PDE9A: variants seen among roughly 807,000 people sequenced by gnomAD.
PDE9A encodes the protein high affinity cGMP-specific 3',5'-cyclic phosphodiesterase 9A.
In PDE9A, 60 loss-of-function variants were observed where a neutral mutation model predicts 87.4. The observed-to-expected ratio is 0.69, with a 90% CI of 0.56 to 0.85. The LOEUF is 0.85. PDE9A is among the 40% of genes least tolerant of loss of function. The pLI, the probability that PDE9A is intolerant of heterozygous loss-of-function variation, is 0.00. For synonymous variants in PDE9A, 272 were observed against 279.4 expected (o/e 0.97, Z 0.27); for missense variants, 665 against 779.0 (o/e 0.85, Z 1.74).
rs2052829925 is a variant in PDE9A at position 42,739,251 on chromosome 21, C to T, written c.569-4525C>T. On this transcript the variant is annotated intron_variant, in intron 7 of 19. Transcript: ENST00000291539. This position sits in a 1 kb window ranked among gnomAD's most constrained non-coding sequence, Gnocchi z 4.1. The stretch of plus-strand genomic sequence containing the variant: ...CCGACGTCCAGGCTCCACGGTAGGG[C>T]CGTCCTGCTGCTGTCTGCAGACCTC... Among the ~76,000 whole-genome samples the T allele has an allele frequency of 6.6e-6, 1 of 152,246 alleles. No homozygotes were observed. The highest frequency in any genetic ancestry group is 1.5e-5 in the Non-Finnish European group (1 of 68,038).
intron 8 of PDE9A, among the ~76,000 whole-genome samples, chr21:42,748,443 C>T (rs2839582): frequency 0.66 from 99,733 of 152,150 alleles, 33,013 homozygotes; most frequent in East Asian, 0.86. Context: ...AATGGATCTC[C>T]GTGGAGCGGT....
At position 42,653,713 on chromosome 21, in the gene PDE9A, G is replaced by GGGGGGCGCC; in HGVS notation, c.-102_-101insGGGGGCGCC. ...TGTGGTTGGCTGAGCGCCGCGGGCC[G>GGGGGGCGCC]CCCCCCGCCCGCCCCCTCCCCTGCT... On this transcript the variant is annotated 5_prime_UTR_variant, in exon 1 of 20. Coordinates refer to ENST00000291539, the MANE Select transcript of PDE9A (RefSeq NM_002606.3). The GGGGGGCGCC allele has an allele frequency of 3.4e-6, 1 of 292,976 alleles. No individual in the cohort carries two copies. The highest frequency in any genetic ancestry group is 6.4e-6 in the Non-Finnish European group (1 of 157,278). The allele number at this position is 292,976 out of a possible 1,614,324, so 18.1% of individuals were successfully genotyped here.
intron 14 of PDE9A, among the ~76,000 whole-genome samples, chr21:42,763,883 A>G (rs2147131337): frequency 6.6e-6 from 1 of 152,326 alleles, no homozygotes; most frequent in Admixed American, 6.5e-5. Flanking sequence ...AGCCCAGTGT[A>G]AAAAACTGAA....
chr21:42,766,914 G>A (rs1013958750), intron 15 of PDE9A, among the ~76,000 whole-genome samples: 5 of 152,198 alleles, frequency 3.3e-5, no homozygotes, highest in Non-Finnish European at 5.9e-5. Flanking sequence ...CCAGAGGATC[G>A]GGTGCCAGGT....
chr21:42,751,011 C>A, intron 8 of PDE9A, 105 bp from the exon 9 acceptor site: 2 of 785,328 alleles, frequency 2.5e-6, no homozygotes, highest in Admixed American at 1.8e-5. Context: ...CAAATAAGAC[C>A]ACACGGGGCT....
intron 7 of PDE9A, among the ~76,000 whole-genome samples, chr21:42,737,175 G>C (rs954556708): frequency 6.6e-6 from 1 of 152,260 alleles, no homozygotes; most frequent in Non-Finnish European, 1.5e-5. Context: ...GCGGCCAGGA[G>C]CCTGGTCCGA....
At chr21:42,736,635 AG>A (rs1219231850) in intron 7 of PDE9A, among the ~76,000 whole-genome samples, 1 of 152,222 alleles carries the variant, frequency 6.6e-6, no homozygotes, top group Non-Finnish European at 1.5e-5. Flanking sequence ...AATGGGATTG[AG>A]GGAGCTCACC....
rs1184119258 is a variant in PDE9A at position 42,722,514 on chromosome 21, T to C, written c.263-9256T>C. On this transcript the variant is annotated intron_variant, in intron 4 of 19. Coordinates refer to ENST00000291539, the MANE Select transcript of PDE9A (RefSeq NM_002606.3). The surrounding 1 kb of genome is among the most constrained non-coding windows in gnomAD (Gnocchi z 4.1). ...GCCACACACACACGCCCTTGTGATG[T>C]ATTATTCCCTCTACTCTTGCAGGTC... 4.6e-5 allele frequency among the ~76,000 whole-genome samples: 7 copies of C among 152,168 alleles called. No homozygotes were observed. Among genetic ancestry groups the C allele is most frequent in the Admixed American group, 4.6e-4 (7 of 15,276 alleles).
intron 6 of PDE9A, 94 bp downstream of exon 6, chr21:42,732,218 C>A: frequency 8.0e-7 from 1 of 1,252,322 alleles, no homozygotes; most frequent in East Asian, 2.4e-5. Flanking sequence ...TGGCCTTGGC[C>A]GGCAAGCGTG....
At chr21:42,680,559 C>T (rs1158550106) in intron 1 of PDE9A, among the ~76,000 whole-genome samples, 1 of 152,248 alleles carries the variant, frequency 6.6e-6, no homozygotes, top group East Asian at 1.9e-4. Flanking sequence ...GAGGGTACAA[C>T]CGACCAGAGC....
chr21:42,671,993 CA>C (rs11332937), intron 1 of PDE9A, among the ~76,000 whole-genome samples: 12,017 of 152,032 alleles, frequency 0.079, 1,541 homozygotes, highest in African/African-American at 0.27. Context: ...CAAAGCCTAG[CA>C]AAATCTTATG....
chr21:42,680,276 T>C (rs879837269), intron 1 of PDE9A, among the ~76,000 whole-genome samples: 13 of 152,192 alleles, frequency 8.5e-5, no homozygotes, highest in Non-Finnish European at 1.3e-4. Context: ...CAAAAGAGTG[T>C]GATTGGGAGC....
At chr21:42,688,314 A>G (rs946794925) in intron 3 of PDE9A, among the ~76,000 whole-genome samples, 1 of 152,088 alleles carries the variant, frequency 6.6e-6, no homozygotes, top group African/African-American at 2.4e-5. Flanking sequence ...GGATCCCCAC[A>G]TTAACCCCAG....
In PDE9A at chr21:42,692,301, C is replaced by G. The variant is rs1156592450; in HGVS notation, c.218+4307C>G. The stretch of plus-strand genomic sequence containing the variant: ...CGTCTGGAGACATTTCTGGATGTCA[C>G]CAGGGGTAAGGGCCTGCTACTTGTA... On this transcript the variant is annotated intron_variant, in intron 3 of 19. Coordinates refer to ENST00000291539, the MANE Select transcript of PDE9A (RefSeq NM_002606.3). The surrounding 1 kb of genome is among the most constrained non-coding windows in gnomAD (Gnocchi z 4.3). Among the ~76,000 whole-genome samples, 1 of 152,124 alleles carries G rather than the reference C, an allele frequency of 6.6e-6. No individual in the cohort carries two copies. Among genetic ancestry groups the G allele is most frequent in the Non-Finnish European group, 1.5e-5 (1 of 68,026 alleles).
At chr21:42,670,247 A>ACT (rs529691611) in intron 1 of PDE9A, among the ~76,000 whole-genome samples, 34,959 of 149,626 alleles carry the variant, frequency 0.23, 4,070 homozygotes, top group East Asian at 0.37. Flanking sequence ...ACACTCATAC[A>ACT]CATACATACA....
intron 8 of PDE9A, among the ~76,000 whole-genome samples, chr21:42,747,004 T>TA (rs1378652930): frequency 6.6e-6 from 1 of 151,948 alleles, no homozygotes; most frequent in Non-Finnish European, 1.5e-5. Context: ...CGGAACAGGG[T>TA]AAAAATTCTC....
chr21:42,700,775 A>G (rs1445622180), intron 4 of PDE9A: 1 of 152,224 alleles, frequency 6.6e-6, no homozygotes, highest in Non-Finnish European at 1.5e-5. Flanking sequence ...TGGAAAATCG[A>G]TGGGCCATGT....
intron 1 of PDE9A, among the ~76,000 whole-genome samples, chr21:42,657,315 G>A (rs1156558280): frequency 1.3e-5 from 2 of 152,186 alleles, no homozygotes; most frequent in African/African-American, 4.8e-5. Flanking sequence ...AGCACCAGGT[G>A]AAGCCCTCCT....
chr21:42,677,324 C>T (rs2058900103), intron 1 of PDE9A, among the ~76,000 whole-genome samples: 1 of 152,228 alleles, frequency 6.6e-6, no homozygotes. Flanking sequence ...GCATGTTTTA[C>T]AACAACCAAC....
Sources: gnomAD v4.1 joint callset for allele counts (sites outside exome capture counted in the v4.1 genomes callset) on GRCh38, gnomAD v4.1.1 for gene constraint, Gnocchi (gnomAD v3.1) non-coding constraint, MANE v1.5 for transcripts, NCBI Gene and HGNC (gene_info 2026-07-23, HGNC 2026-07-21) for gene names.